Variants in MARCHF4 observed in about 807,000 individuals in gnomAD.
The protein encoded by MARCHF4 is E3 ubiquitin-protein ligase MARCHF4.
In MARCHF4, 14 loss-of-function variants were observed where a neutral mutation model predicts 43.9. The ratio of observed to expected loss-of-function variants is 0.32; its 90% confidence interval spans 0.21 to 0.50. The LOEUF (loss-of-function observed/expected upper bound fraction) is 0.50. MARCHF4 is among the 20% of genes least tolerant of loss of function. The probability of loss-of-function intolerance (pLI) is 0.98; values close to 1 mark genes in which losing one functional copy is unlikely to be tolerated. For synonymous variants in MARCHF4, 226 were observed against 213.3 expected, an observed-to-expected ratio of 1.06 and a Z score of -0.52; for missense variants, 468 against 536.7, an observed-to-expected ratio of 0.87 and a Z score of 1.27.
intron 1 of MARCHF4, among the ~76,000 whole-genome samples, chr2:216,293,654 T>C (rs1416189802): frequency 1.2e-5 from 1 of 85,088 alleles, no homozygotes; most frequent in Non-Finnish European, 3.5e-5. Context: ...GTTTTTCATT[T>C]TCACAATAAT....
intron 1 of MARCHF4, among the ~76,000 whole-genome samples, chr2:216,350,839 C>T (rs1482837897): frequency 2.0e-5 from 3 of 152,186 alleles, no homozygotes; most frequent in African/African-American, 7.2e-5. Flanking sequence ...GAGACGGAAC[C>T]ATATTTATTT....
At chr2:216,306,111 TTTATACATGCAAAGTTTTAATTGAAA>T (rs1474362491) in intron 1 of MARCHF4, among the ~76,000 whole-genome samples, 1 of 152,070 alleles carries the variant, frequency 6.6e-6, no homozygotes, top group Non-Finnish European at 1.5e-5. Context: ...TGATTCTGTA[TTTATACATGCAAAGTTTTAATTGAAA>T]TTATACATGC....
At chr2:216,269,873 T>C (rs942092530) in intron 3 of MARCHF4, among the ~76,000 whole-genome samples, 1 of 152,144 alleles carries the variant, frequency 6.6e-6, no homozygotes, top group Non-Finnish European at 1.5e-5. Flanking sequence ...TGTGACTCAG[T>C]CCTTCCTATT....
chr2:216,343,107 T>C (rs1175143142), intron 1 of MARCHF4, among the ~76,000 whole-genome samples: 1 of 152,174 alleles, frequency 6.6e-6, no homozygotes, highest in Non-Finnish European at 1.5e-5. Context: ...GTTGAGGGAT[T>C]CTTAAAGGAC....
At chr2:216,304,853 C>G (rs1279743785) in intron 1 of MARCHF4, among the ~76,000 whole-genome samples, 1 of 152,088 alleles carries the variant, frequency 6.6e-6, no homozygotes, top group Non-Finnish European at 1.5e-5. Flanking sequence ...ACTCAGAAGG[C>G]TGAGGCAGGA....
At chr2:216,307,083 C>G (rs754316001) in intron 1 of MARCHF4, among the ~76,000 whole-genome samples, 1 of 152,138 alleles carries the variant, frequency 6.6e-6, no homozygotes, top group Admixed American at 6.5e-5. Flanking sequence ...ACGACTTCCT[C>G]TCTCCTCCCG....
rs1174932163 is a variant in MARCHF4 at position 216,326,525 on chromosome 2, G to A, written c.517-42796C>T. On this transcript the variant is annotated intron_variant, in intron 1 of 3. Transcript: ENST00000273067. ...ACACATGCACACGTATGTTTATTGC[G>A]GCATTATTCACAATAGCAAAGACTT... is the stretch of plus-strand genomic sequence containing the variant. 3.3e-5 allele frequency among the ~76,000 whole-genome samples: 5 copies of A among 151,162 alleles called. No homozygotes were observed. The East Asian group carries it at 5.8e-4, about 18-fold the overall frequency.
At chr2:216,287,193 T>C (rs543738945) in intron 1 of MARCHF4, among the ~76,000 whole-genome samples, 55 of 152,208 alleles carry the variant, frequency 3.6e-4, no homozygotes, top group African/African-American at 1.3e-3. Context: ...ACTTCACCAT[T>C]TTCAAATGCT....
chr2:216,359,581 A>G (rs1303182127), intron 1 of MARCHF4, among the ~76,000 whole-genome samples: 2 of 152,114 alleles, frequency 1.3e-5, no homozygotes, highest in African/African-American at 4.8e-5. Context: ...ACTCTCTCCC[A>G]CCTGGAAAGC....
intron 1 of MARCHF4, among the ~76,000 whole-genome samples, chr2:216,317,007 G>C (rs1011502194): frequency 6.6e-6 from 1 of 152,154 alleles, no homozygotes; most frequent in Non-Finnish European, 1.5e-5. Flanking sequence ...GCCTGCAAGG[G>C]AGGGAAAGGA....
At chr2:216,293,483 T>C (rs1333996905) in intron 1 of MARCHF4, among the ~76,000 whole-genome samples, 1 of 152,120 alleles carries the variant, frequency 6.6e-6, no homozygotes, top group Non-Finnish European at 1.5e-5. Flanking sequence ...ACCAGCAGCT[T>C]ACTTTCACAC....
intron 1 of MARCHF4, among the ~76,000 whole-genome samples, chr2:216,369,146 T>C (rs1348835114): frequency 6.6e-6 from 1 of 152,196 alleles, no homozygotes; most frequent in Non-Finnish European, 1.5e-5. Context: ...CCAAGAAGTG[T>C]CTCAGCAAAT....
At position 216,371,207 on chromosome 2, in the gene MARCHF4, AGC is replaced by A. The variant is rs1692754172; in HGVS notation, c.-949_-948del. The A allele has an allele frequency of 6.5e-6, 1 of 152,678 alleles. No individual in the cohort carries two copies. Among genetic ancestry groups the A allele is most frequent in the African/African-American group, 2.4e-5 (1 of 41,442 alleles). 9.5% of individuals were successfully genotyped at this position (152,678 alleles called of 1,614,324 possible). A position where few individuals can be genotyped will look rare whatever the true frequency, so the allele number is the denominator to read the frequency against. On this transcript the variant is annotated 5_prime_UTR_variant, in exon 1 of 4. Transcript: ENST00000273067. ...GTGTACCGGGGTGAGAGGGCAGTGG[AGC>A]AGAGAATAGGGGTAGAGGAGAGGGG...
intron 3 of MARCHF4, among the ~76,000 whole-genome samples, chr2:216,263,357 G>A (rs1445834884): frequency 6.6e-6 from 1 of 151,914 alleles, no homozygotes; most frequent in Admixed American, 6.6e-5. Flanking sequence ...AACCCAGGAG[G>A]TGAAGGTTGC....
Position 216,336,742 on chromosome 2 carries a change from T to TAAAAAAAAAAAAAAAAAAAAAAAA in MARCHF4, c.516+32979_516+33002dup, listed in dbSNP as rs58031229. On this transcript the variant is annotated intron_variant, in intron 1 of 3. Transcript: ENST00000273067. The stretch of plus-strand genomic sequence containing the variant: ...GGCAAATGGGAAAGGCAAATAGATT[T>TAAAAAAAAAAAAAAAAAAAAAAAA]AAAAAAAAAAAAAAAAAAAAAAAAA... Among the ~76,000 whole-genome samples the TAAAAAAAAAAAAAAAAAAAAAAAA allele has an allele frequency of 5.7e-4, 32 of 55,664 alleles. 4 individuals carry two copies. The highest frequency in any genetic ancestry group is 2.6e-3 in the East Asian group (2 of 758). 36.5% of individuals were successfully genotyped at this position (55,664 alleles called of 152,430 possible).
At chr2:216,259,970 G>A (rs1219388039) in intron 3 of MARCHF4, among the ~76,000 whole-genome samples, 1 of 152,116 alleles carries the variant, frequency 6.6e-6, no homozygotes, top group African/African-American at 2.4e-5. Context: ...CATCCACTAA[G>A]GCATAATATA....
chr2:216,282,708 G>A (rs894527143), intron 2 of MARCHF4, among the ~76,000 whole-genome samples: 1 of 152,212 alleles, frequency 6.6e-6, no homozygotes, highest in Admixed American at 6.5e-5. Flanking sequence ...GGGGACAATG[G>A]ATGTGTCAGG....
chr2:216,362,908 T>G lies in MARCHF4; in HGVS notation c.516+6837A>C, dbSNP rs371352185. Among the ~76,000 whole-genome samples the G allele has an allele frequency of 2.6e-5, 4 of 152,160 alleles. No individual in the cohort carries two copies. In the East Asian group the frequency reaches 7.7e-4, roughly 29 times the overall value. On this transcript the variant is annotated intron_variant, in intron 1 of 3. Transcript: ENST00000273067. ...CAGCTTGGGCCATACAGTATTTTCT[T>G]GCCAGCTCCTTTACATCCAGGCTCA...
At chr2:216,263,120 T>C (rs1690768942) in intron 3 of MARCHF4, among the ~76,000 whole-genome samples, 1 of 151,688 alleles carries the variant, frequency 6.6e-6, no homozygotes, top group Non-Finnish European at 1.5e-5. Context: ...GAAGGGAAAA[T>C]GGGTGGTAAA....
Sources: gnomAD v4.1 joint callset for allele counts (sites outside exome capture counted in the v4.1 genomes callset) on GRCh38, gnomAD v4.1.1 for gene constraint, MANE v1.5 for transcripts, NCBI Gene and HGNC (gene_info 2026-07-23, HGNC 2026-07-21) for gene names.